Variants in ATL1 observed in about 807,000 individuals in gnomAD.
ATL1 encodes the protein atlastin GTPase 1.
In ATL1, 31 loss-of-function variants were observed where a neutral mutation model predicts 75.5. The observed-to-expected ratio is 0.41, with a 90% CI of 0.31 to 0.55. ATL1 has a LOEUF of 0.55. Ranked by LOEUF, ATL1 falls within the 20% of genes least tolerant of loss-of-function variation. The pLI, the probability that ATL1 is intolerant of heterozygous loss-of-function variation, is 0.27. For synonymous variants in ATL1, 226 were observed against 233.3 expected (o/e 0.97, Z 0.28); for missense variants, 405 against 662.6 (o/e 0.61, Z 4.27).
chr14:50,616,453 C>T (rs969922017), intron 8 of ATL1, among the ~76,000 whole-genome samples: 2 of 143,038 alleles, frequency 1.4e-5, no homozygotes, highest in African/African-American at 5.1e-5. Flanking sequence ...CCACCATGCC[C>T]GGTTATTTAT....
chr14:50,563,377 G>A (rs1200217275), intron 1 of ATL1, among the ~76,000 whole-genome samples: 1 of 152,166 alleles, frequency 6.6e-6, no homozygotes, highest in Non-Finnish European at 1.5e-5. Flanking sequence ...GAAGATAATA[G>A]AGAAAACAGA....
intron 10 of ATL1, among the ~76,000 whole-genome samples, chr14:50,622,894 C>A (rs1034903378): frequency 1.3e-5 from 2 of 152,044 alleles, no homozygotes; most frequent in Admixed American, 6.6e-5. Context: ...TTCTTCCCAG[C>A]ATTTAATGGC....
chr14:50,591,466 A>T, intron 3 of ATL1, 69 bp from the exon 4 acceptor site: 1 of 1,022,530 alleles, frequency 9.8e-7, no homozygotes. Flanking sequence ...TTCTTATATT[A>T]ATATTATGGT....
At chr14:50,586,822 C>A (rs2039106442) in intron 1 of ATL1, among the ~76,000 whole-genome samples, 1 of 151,996 alleles carries the variant, frequency 6.6e-6, no homozygotes, top group Non-Finnish European at 1.5e-5. Flanking sequence ...CTGTCACTTT[C>A]TAATAGTTGT....
chr14:50,632,175 T>G lies in ATL1; in HGVS notation c.1567-54T>G, dbSNP rs187496562. 10 of 1,351,576 alleles carry G rather than the reference T, an allele frequency of 7.4e-6. No homozygotes were observed. In the African/African-American group the frequency reaches 1.5e-4, roughly 20 times the overall value. 83.7% of individuals were successfully genotyped at this position (1,351,576 alleles called of 1,614,324 possible). A position where few individuals can be genotyped will look rare whatever the true frequency, so the allele number is the denominator to read the frequency against. On this transcript the variant is annotated intron_variant, in intron 13 of 13. Transcript: ENST00000358385. ...TACGATAAACTAAAAAGGAAAAAAT[T>G]TTACATCTGTGTGTTTAATAAAATG... is the stretch of plus-strand genomic sequence containing the variant.
At chr14:50,591,871 T>C (rs1478876068) in intron 4 of ATL1, 1 of 467,484 alleles carries the variant, frequency 2.1e-6, no homozygotes, top group Non-Finnish European at 3.8e-6. Flanking sequence ...GAAAAGGTCA[T>C]ATTATCTTAT....
intron 1 of ATL1, among the ~76,000 whole-genome samples, chr14:50,564,942 TAC>T (rs2038888722): frequency 6.6e-6 from 1 of 152,108 alleles, no homozygotes; most frequent in Non-Finnish European, 1.5e-5. Flanking sequence ...TGTCCCTTTT[TAC>T]CTACCTCATC....
At chr14:50,618,804 G>A (rs867343745) in intron 8 of ATL1, among the ~76,000 whole-genome samples, 1 of 151,694 alleles carries the variant, frequency 6.6e-6, no homozygotes, top group Non-Finnish European at 1.5e-5. Flanking sequence ...GCAAGTCACT[G>A]GACAGATCTT....
intron 1 of ATL1, among the ~76,000 whole-genome samples, chr14:50,571,000 T>A (rs528078036): frequency 8.3e-4 from 127 of 152,284 alleles, no homozygotes; most frequent in Admixed American, 1.6e-3. Flanking sequence ...GTGTATGCAG[T>A]TGCTTTTGAA....
intron 1 of ATL1, among the ~76,000 whole-genome samples, chr14:50,565,852 A>G (rs1280158351): frequency 6.6e-6 from 1 of 152,232 alleles, no homozygotes; most frequent in Non-Finnish European, 1.5e-5. Context: ...TATGAAACAT[A>G]TATGTATACA....
intron 1 of ATL1, among the ~76,000 whole-genome samples, chr14:50,570,012 A>G (rs756768560): frequency 1.5e-4 from 23 of 152,152 alleles, no homozygotes; most frequent in Non-Finnish European, 2.5e-4. Context: ...TTTGATTATA[A>G]TGTGTCTCAA....
At chr14:50,578,324 C>T (rs56208926) in intron 1 of ATL1, among the ~76,000 whole-genome samples, 28,638 of 152,098 alleles carry the variant, frequency 0.19, 3,410 homozygotes, top group African/African-American at 0.34. Flanking sequence ...TGTAACTCTT[C>T]AAGAGCCTTG....
intron 13 of ATL1, among the ~76,000 whole-genome samples, chr14:50,630,441 T>TAC (rs2039569039): frequency 6.6e-6 from 1 of 152,356 alleles, no homozygotes; most frequent in South Asian, 2.1e-4. Context: ...CAGTAATACA[T>TAC]ACCACTTTAA....
Position 50,620,602 on chromosome 14 carries a change from T to C in ATL1, c.866T>C (p.Ile289Thr), listed in dbSNP as rs2039458332. 6.2e-7 allele frequency: 1 copy of C among 1,612,368 alleles called. No individual in the cohort carries two copies. The highest frequency in any genetic ancestry group is 8.5e-7 in the Non-Finnish European group (1 of 1,178,814). The change falls in exon 9 of 14, where the codon ATA (isoleucine) becomes ACA (threonine). Residue 289 changes from isoleucine (I) to threonine (T), a missense_variant. Physicochemically the swap from Ile to Thr is moderately conservative, Grantham distance 89. Transcript: ENST00000358385. ...NPNFDGKLKE[I>T]DDEFIKNLKI... ...ATGGATTTGCTTTTACTTGTAGAAA[T>C]AGATGATGAATTCATCAAAAACTTG...
rs1197481957 is a variant in ATL1, at chr14:50,614,441, T to A, written c.792T>A (p.Ile264=). Reference sequence around the variant, plus strand: ...ACATCCATTCCTGTTTCACCAACATTTCCTGTTTTCTGCTACCTCATCCTG... The same window carrying A: ...ACATCCATTCCTGTTTCACCAACATATCCTGTTTTCTGCTACCTCATCCTG... ...RKHIHSCFTN[I]SCFLLPHPGL... Residue 264 remains isoleucine (I), a synonymous_variant, in exon 8 of 14, where the codon ATT becomes ATA. Coordinates refer to ENST00000358385, the MANE Select transcript of ATL1 (RefSeq NM_015915.5). The A allele has an allele frequency of 1.9e-6, 3 of 1,614,004 alleles. No homozygotes were observed. Among genetic ancestry groups the A allele is most frequent in the Non-Finnish European group, 2.5e-6 (3 of 1,179,922 alleles).
intron 8 of ATL1, among the ~76,000 whole-genome samples, chr14:50,616,830 C>T (rs533222099): frequency 3.3e-5 from 5 of 152,156 alleles, no homozygotes; most frequent in Non-Finnish European, 7.3e-5. Context: ...GCAGAAATAT[C>T]GTACTTTGCC....
intron 1 of ATL1, among the ~76,000 whole-genome samples, chr14:50,562,769 G>A (rs1046718604): frequency 6.6e-6 from 1 of 152,158 alleles, no homozygotes; most frequent in Non-Finnish European, 1.5e-5. Context: ...TTACTACTTA[G>A]ATTTTTCTTT....
rs373913065 is a variant in ATL1, at chr14:50,534,110, T to C, written c.-140+743T>C. ...GTATCTTAGCACTTGTTTACTGTCA[T>C]AGATTCATTTGAGATTTTTTTCCTC... On this transcript the variant is annotated intron_variant, in intron 1 of 13. Transcript: ENST00000441560. Among the ~76,000 whole-genome samples the C allele has an allele frequency of 1.4e-4, 22 of 152,366 alleles. No homozygotes were observed. In the East Asian group the frequency reaches 4.2e-3, roughly 29 times the overall value.
chr14:50,613,356 GT>G lies in ATL1; in HGVS notation c.723+7del. ...TTCTTGGAAAAACGCCTCAAGGTTTGTTAGATATTTAGGTGCATGAAATTTC... is the reference window on the plus strand; with the variant it reads ...TTCTTGGAAAAACGCCTCAAGGTTTGTAGATATTTAGGTGCATGAAATTTC... On this transcript the variant is annotated splice_donor_region_variant and intron_variant, in intron 7 of 13. Transcript: ENST00000358385. The G allele has an allele frequency of 6.2e-7, 1 of 1,608,630 alleles. No individual in the cohort carries two copies. Among genetic ancestry groups the G allele is most frequent in the Non-Finnish European group, 8.5e-7 (1 of 1,175,882 alleles).
Sources: gnomAD v4.1 joint callset for allele counts (sites outside exome capture counted in the v4.1 genomes callset) on GRCh38, gnomAD v4.1.1 for gene constraint, MANE v1.5 for transcripts, NCBI Gene and HGNC (gene_info 2026-07-23, HGNC 2026-07-21) for gene names.